Variants in HS6ST2 observed in about 807,000 individuals in gnomAD.
The protein encoded by HS6ST2 is heparan sulfate 6-O-sulfotransferase 2.
HS6ST2 carries 17 observed loss-of-function variants against 33.0 expected under a neutral mutation model. That is an observed-to-expected ratio of 0.52 (90% CI 0.35 to 0.77). HS6ST2 has a LOEUF of 0.77. Ranked by LOEUF, HS6ST2 falls within the 30% of genes least tolerant of loss-of-function variation. HS6ST2 has a pLI of 0.01. For missense variants in HS6ST2, 519 were observed against 551.7 expected (o/e 0.94, Z 0.59); for synonymous variants, 248 against 237.1 (o/e 1.05, Z -0.42).
At chrX:132,765,332 C>A (rs1327958374) in intron 2 of HS6ST2, among the ~76,000 whole-genome samples, 1 of 112,758 alleles carries the variant, frequency 8.9e-6, no homozygotes, top group Non-Finnish European at 1.9e-5. Flanking sequence ...TGGAGACACA[C>A]GTGTGTTAAT....
In HS6ST2 at chrX:132,702,465, T is replaced by C. The variant is rs1295771455; in HGVS notation, c.980+5997A>G. Among the ~76,000 whole-genome samples, 2 of 112,014 alleles carry C rather than the reference T, an allele frequency of 1.8e-5. 1 individual carries two copies. The highest frequency in any genetic ancestry group is 6.5e-5 in the African/African-American group (2 of 30,825). On this transcript the variant is annotated intron_variant, in intron 3 of 4. Transcript: ENST00000370833. Reference sequence around the variant, plus strand: ...TACGACAAGAAAAGTGTGGAACACATATTTGACAGGAGGCTACATTAGTTT... The same window carrying C: ...TACGACAAGAAAAGTGTGGAACACACATTTGACAGGAGGCTACATTAGTTT...
chrX:132,856,089 T>G (rs1263193605), intron 2 of HS6ST2, among the ~76,000 whole-genome samples: 4 of 111,666 alleles, frequency 3.6e-5, no homozygotes, highest in Non-Finnish European at 7.5e-5. Flanking sequence ...AAGGAACACA[T>G]TTAGTTGCCT....
chrX:132,709,005 G>C (rs769508746), intron 2 of HS6ST2, among the ~76,000 whole-genome samples: 1 of 112,247 alleles, frequency 8.9e-6, no homozygotes, highest in African/African-American at 3.2e-5. Flanking sequence ...TCTTTAAAAA[G>C]ATGAAAATTC....
At position 132,944,562 on chromosome X, in the gene HS6ST2, A is replaced by G. The variant is rs1241316646; in HGVS notation, c.947+12246T>C. On this transcript the variant is annotated intron_variant, in intron 2 of 4. Transcript: ENST00000370833. ...CATTGCCAAGTCAATCCTAAGCCAA[A>G]AGAACAAAGCTGGAGGCATCACGCT... Among the ~76,000 whole-genome samples the G allele has an allele frequency of 5.4e-5, 6 of 112,007 alleles. No homozygotes were observed. The East Asian group carries it at 8.4e-4, about 16-fold the overall frequency.
At chrX:132,764,922 C>T (rs2064831996) in intron 2 of HS6ST2, among the ~76,000 whole-genome samples, 2 of 112,131 alleles carry the variant, frequency 1.8e-5, no homozygotes, top group Non-Finnish European at 3.8e-5. Context: ...CCAACACTTC[C>T]CAGTTTTATT....
intron 2 of HS6ST2, among the ~76,000 whole-genome samples, chrX:132,753,270 C>G (rs766728546): frequency 1.1e-4 from 12 of 111,743 alleles, no homozygotes; most frequent in African/African-American, 3.9e-4. Flanking sequence ...TCAGCTTATG[C>G]TAAGGAGAAG....
chrX:132,891,426 G>A (rs1308677345), intron 2 of HS6ST2, among the ~76,000 whole-genome samples: 2 of 104,478 alleles, frequency 1.9e-5, no homozygotes, highest in Non-Finnish European at 3.9e-5. Flanking sequence ...GGGTACATGT[G>A]CACAATGTGC....
intron 2 of HS6ST2, among the ~76,000 whole-genome samples, chrX:132,934,925 A>T (rs2066808599): frequency 8.9e-6 from 1 of 111,767 alleles, no homozygotes; most frequent in South Asian, 3.7e-4. Flanking sequence ...GAAAAAGAAG[A>T]GAAAAGATAT....
At chrX:132,696,398 T>C (rs761618951) in intron 3 of HS6ST2, among the ~76,000 whole-genome samples, 2 of 111,666 alleles carry the variant, frequency 1.8e-5, no homozygotes, top group Non-Finnish European at 3.8e-5. Flanking sequence ...ATCTTACACA[T>C]GAAGAAACCA....
chrX:132,634,017 C>T (rs1375941778), intron 4 of HS6ST2, among the ~76,000 whole-genome samples: 1 of 111,978 alleles, frequency 8.9e-6, no homozygotes, highest in East Asian at 2.8e-4. Flanking sequence ...TTGTTTCATA[C>T]TTTCACATAT....
intron 2 of HS6ST2, among the ~76,000 whole-genome samples, chrX:132,845,456 C>A (rs1278631813): frequency 9.0e-6 from 1 of 111,133 alleles, no homozygotes; most frequent in Non-Finnish European, 1.9e-5. Flanking sequence ...TAGAAGCTCT[C>A]TAAATTAAAT....
At position 132,958,353 on chromosome X, in the gene HS6ST2, C is replaced by T; in HGVS notation, c.250G>A (p.Ala84Thr). 2 of 1,198,651 alleles carry T rather than the reference C, an allele frequency of 1.7e-6. No individual in the cohort carries two copies. The highest frequency in any genetic ancestry group is 1.8e-5 in the South Asian group (1 of 56,475). Residue 84 changes from alanine to threonine, a missense_variant, in exon 1 of 5, where the codon GCC (alanine) becomes ACC (threonine). By Grantham distance (58) the Ala-to-Thr change is moderately conservative (BLOSUM62 0). Transcript: ENST00000370833. ...ASSSLAGAAC[A>T]PLFALLSRGR... ...CGGGACAGCAGCGCGAAAAGCGGGG[C>T]GCACGCGGCTCCCGCCAGGGAAGAA...
chrX:132,697,054 C>T (rs1194368393), intron 3 of HS6ST2, among the ~76,000 whole-genome samples: 2 of 112,181 alleles, frequency 1.8e-5, no homozygotes, highest in East Asian at 2.8e-4. Context: ...TAATCTATTA[C>T]ATGTCATATA....
chrX:132,752,431 C>T (rs1376667384), intron 2 of HS6ST2, among the ~76,000 whole-genome samples: 2 of 98,367 alleles, frequency 2.0e-5, no homozygotes, highest in African/African-American at 7.8e-5. Flanking sequence ...AAGATTGCAT[C>T]ACTGCACTCC....
intron 2 of HS6ST2, among the ~76,000 whole-genome samples, chrX:132,841,240 T>C (rs2065704196): frequency 8.9e-6 from 1 of 111,879 alleles, no homozygotes; most frequent in African/African-American, 3.2e-5. Context: ...AGACTGCTTT[T>C]CTTATCTGGA....
intron 2 of HS6ST2, among the ~76,000 whole-genome samples, chrX:132,853,555 T>C (rs1009147382): frequency 3.6e-5 from 4 of 110,791 alleles, no homozygotes; most frequent in African/African-American, 1.3e-4. Context: ...GTAAGGATAA[T>C]CAGACTATGA....
At chrX:132,919,749 G>A (rs1190210062) in intron 2 of HS6ST2, among the ~76,000 whole-genome samples, 1 of 111,932 alleles carries the variant, frequency 8.9e-6, no homozygotes, top group Non-Finnish European at 1.9e-5. Flanking sequence ...GCCATCCAAG[G>A]TGTGATTGTT....
At chrX:132,905,947 GT>G (rs1308541098) in intron 2 of HS6ST2, among the ~76,000 whole-genome samples, 1 of 111,048 alleles carries the variant, frequency 9.0e-6, no homozygotes, top group Non-Finnish European at 1.9e-5. Context: ...GATCACTTGA[GT>G]CTGGGAGGTT....
rs6638023 is a variant in HS6ST2 at position 132,697,862 on chromosome X, C to T, written c.980+10600G>A. ...GCAGAGTAGTTGCTCAAGTAAACAC[C>T]CATGGAGAATATCAATGCTTCTCAA... On this transcript the variant is annotated intron_variant, in intron 3 of 4. Transcript: ENST00000370833. Among the ~76,000 whole-genome samples, 30 of 111,754 alleles carry T rather than the reference C, an allele frequency of 2.7e-4. No individual in the cohort carries two copies. In the East Asian group the frequency reaches 8.2e-3, roughly 30 times the overall value.
Sources: gnomAD v4.1 joint callset for allele counts (sites outside exome capture counted in the v4.1 genomes callset) on GRCh38, gnomAD v4.1.1 for gene constraint, MANE v1.5 for transcripts, NCBI Gene and HGNC (gene_info 2026-07-23, HGNC 2026-07-21) for gene names.